DNER: variants seen among roughly 807,000 people sequenced by gnomAD.
The protein encoded by DNER is delta/notch like EGF repeat containing, also known as delta and Notch-like epidermal growth factor-related receptor.
Under a neutral mutation model 78.2 loss-of-function variants are expected in DNER, and 33 were observed. The observed-to-expected ratio is 0.42, with a 90% CI of 0.32 to 0.56. DNER has a LOEUF of 0.56. Among genes scored for constraint, DNER ranks in the 20% least tolerant of loss-of-function variants. The pLI, the probability that DNER is intolerant of heterozygous loss-of-function variation, is 0.11. For missense variants in DNER, 918 were observed against 975.3 expected (o/e 0.94, Z 0.78); for synonymous variants, 417 against 384.8 (o/e 1.08, Z -0.98).
chr2:229,666,800 C>T (rs941877838), intron 1 of DNER, among the ~76,000 whole-genome samples: 2 of 152,182 alleles, frequency 1.3e-5, no homozygotes, highest in Non-Finnish European at 2.9e-5. Context: ...AGACAGAGTT[C>T]AGCTGTATAG....
chr2:229,494,406 C>G (rs1335133297), intron 6 of DNER, among the ~76,000 whole-genome samples: 1 of 152,146 alleles, frequency 6.6e-6, no homozygotes, highest in Non-Finnish European at 1.5e-5. Flanking sequence ...ATAGATATTC[C>G]CATTCCAAAA....
At position 229,447,556 on chromosome 2, in the gene DNER, T is replaced by C. The variant is rs774633364; in HGVS notation, c.1262-16A>G. On this transcript the variant is annotated splice_polypyrimidine_tract_variant and intron_variant, in intron 7 of 12. Coordinates refer to ENST00000341772, the MANE Select transcript of DNER (RefSeq NM_139072.4). ...CCGAAGTATCCTGTGAAAAAACACA[T>C]GAGAGCTTAAAAAAACTAAAACACA... 21 of 1,610,054 alleles carry C rather than the reference T, an allele frequency of 1.3e-5. No homozygotes were observed. The highest frequency in any genetic ancestry group is 1.7e-5 in the Non-Finnish European group (20 of 1,177,718).
At chr2:229,665,937 T>C (rs1699085942) in intron 1 of DNER, among the ~76,000 whole-genome samples, 1 of 152,194 alleles carries the variant, frequency 6.6e-6, no homozygotes, top group Admixed American at 6.5e-5. Flanking sequence ...TTCCAATCAC[T>C]GTGCATGCCA....
intron 2 of DNER, 21 bp from the exon 3 acceptor site, chr2:229,588,509 C>T (rs749711890): frequency 8.0e-5 from 56 of 700,614 alleles, no homozygotes; most frequent in Non-Finnish European, 1.2e-4. Context: ...AAAAAAAAAA[C>T]GACATATGAT....
chr2:229,650,370 A>G (rs1218470354), intron 1 of DNER, among the ~76,000 whole-genome samples: 1 of 152,134 alleles, frequency 6.6e-6, no homozygotes, highest in Non-Finnish European at 1.5e-5. Flanking sequence ...CCTGTACTGT[A>G]CTCTACACTT....
chr2:229,454,987 C>T (rs1339510790), intron 7 of DNER, among the ~76,000 whole-genome samples: 1 of 151,694 alleles, frequency 6.6e-6, no homozygotes, highest in African/African-American at 2.4e-5. Flanking sequence ...ATGTGAGGTA[C>T]AGCAATTATG....
Position 229,658,149 on chromosome 2 carries a change from C to T in DNER, c.276+55999G>A, listed in dbSNP as rs551290670. On this transcript the variant is annotated intron_variant, in intron 1 of 12. Transcript: ENST00000341772. ...GTCGGGGTCATATTACCTTAATTGC[C>T]TGGTAAACCTAGCCTGCACAAGCAT... is the stretch of plus-strand genomic sequence containing the variant. 3.3e-5 allele frequency among the ~76,000 whole-genome samples: 5 copies of T among 152,282 alleles called. No homozygotes were observed. The South Asian group carries it at 6.2e-4, about 19-fold the overall frequency.
chr2:229,590,606 G>A (rs981929853), intron 2 of DNER, among the ~76,000 whole-genome samples: 1 of 152,108 alleles, frequency 6.6e-6, no homozygotes, highest in African/African-American at 2.4e-5. Flanking sequence ...GCACAGGGCT[G>A]GTGAATGAGA....
intron 1 of DNER, among the ~76,000 whole-genome samples, chr2:229,681,244 TAAG>T (rs1203163043): frequency 6.6e-6 from 1 of 152,134 alleles, no homozygotes; most frequent in Non-Finnish European, 1.5e-5. Flanking sequence ...ACCACTTATA[TAAG>T]AAGAAGCTGA....
chr2:229,391,042 A>T (rs1693003981), intron 10 of DNER, among the ~76,000 whole-genome samples: 3 of 152,194 alleles, frequency 2.0e-5, no homozygotes, highest in Admixed American at 6.5e-5. Flanking sequence ...AGGTGACTCA[A>T]ATGATGGAGC....
At chr2:229,363,145 C>T (rs1470727305) in intron 12 of DNER, among the ~76,000 whole-genome samples, 5 of 152,166 alleles carry the variant, frequency 3.3e-5, no homozygotes, top group Admixed American at 2.6e-4. Context: ...GCAAAGCAAG[C>T]ATGTTGCAGA....
chr2:229,656,824 G>A (rs759203484), intron 1 of DNER, among the ~76,000 whole-genome samples: 4 of 152,066 alleles, frequency 2.6e-5, no homozygotes, highest in African/African-American at 9.7e-5. Context: ...AAACATGAAG[G>A]CAATGATTTT....
intron 1 of DNER, among the ~76,000 whole-genome samples, chr2:229,713,915 G>T (rs1194476000): frequency 1.3e-5 from 2 of 152,176 alleles, no homozygotes; most frequent in Admixed American, 6.5e-5. Flanking sequence ...GCCCCGGAGC[G>T]GCACACCCCG....
chr2:229,487,189 T>C (rs1695294817), intron 6 of DNER, among the ~76,000 whole-genome samples: 1 of 152,226 alleles, frequency 6.6e-6, no homozygotes, highest in Non-Finnish European at 1.5e-5. Flanking sequence ...GCTCAATTAT[T>C]GCAACTGTCA....
chr2:229,482,955 A>G (rs773063537), intron 6 of DNER, among the ~76,000 whole-genome samples: 4 of 152,196 alleles, frequency 2.6e-5, no homozygotes, highest in Non-Finnish European at 4.4e-5. Context: ...AATCCAACTA[A>G]GGAGGGAAGG....
chr2:229,434,111 C>T (rs1055675434), intron 8 of DNER, among the ~76,000 whole-genome samples: 11 of 152,222 alleles, frequency 7.2e-5, no homozygotes, highest in Admixed American at 2.0e-4. Flanking sequence ...TGATGGAAAA[C>T]AAAATACTGT....
intron 7 of DNER, among the ~76,000 whole-genome samples, chr2:229,461,231 G>C (rs1157443545): frequency 1.3e-5 from 2 of 151,984 alleles, no homozygotes; most frequent in Admixed American, 6.6e-5. Context: ...TATATAAAGA[G>C]TTTTCAATTC....
intron 1 of DNER, 44 bp downstream of exon 1, chr2:229,714,104 G>A (rs1699953340): frequency 8.0e-7 from 1 of 1,256,824 alleles, no homozygotes; most frequent in Non-Finnish European, 1.0e-6. Context: ...GAGGCTGCTG[G>A]TCCCGGACCA....
intron 6 of DNER, among the ~76,000 whole-genome samples, chr2:229,483,759 T>C (rs1223656657): frequency 6.6e-6 from 1 of 152,218 alleles, no homozygotes; most frequent in Non-Finnish European, 1.5e-5. Flanking sequence ...GTGCCCACCC[T>C]CTTTCATTAG....
Sources: allele counts gnomAD v4.1 joint callset (sites outside exome capture counted in the v4.1 genomes callset), GRCh38; gene constraint gnomAD v4.1.1; transcripts MANE v1.5; gene names NCBI Gene and HGNC (gene_info 2026-07-23, HGNC 2026-07-21).